The following GRB2 variants were observed in gnomAD, a reference collection of about 807,000 sequenced individuals.
GRB2 encodes growth factor receptor-bound protein 2.
A neutral mutation model predicts 27.4 loss-of-function variants in GRB2; 2 were observed. The observed-to-expected ratio is 0.07, with a 90% CI of 0.03 to 0.23. GRB2 has a LOEUF of 0.23. Among genes scored for constraint, GRB2 ranks in the 10% least tolerant of loss-of-function variants. The pLI, the probability that GRB2 is intolerant of heterozygous loss-of-function variation, is 1.00. For missense variants in GRB2, 102 were observed against 282.4 expected, an observed-to-expected ratio of 0.36 and a Z score of 4.58; for synonymous variants, 94 against 99.6, an observed-to-expected ratio of 0.94 and a Z score of 0.33.
At chr17:75,342,916 G>A (rs2078630507) in intron 2 of GRB2, among the ~76,000 whole-genome samples, 1 of 152,020 alleles carries the variant, frequency 6.6e-6, no homozygotes, top group Non-Finnish European at 1.5e-5. Flanking sequence ...TGGCATGGTG[G>A]TGTGCACATA....
chr17:75,398,052 G>T (rs985027169), intron 1 of GRB2, among the ~76,000 whole-genome samples: 1 of 151,946 alleles, frequency 6.6e-6, no homozygotes, highest in Non-Finnish European at 1.5e-5. Context: ...ATGTTGGCCA[G>T]GCTGGTCTCA....
intron 4 of GRB2, among the ~76,000 whole-genome samples, chr17:75,322,792 G>A (rs1303245643): frequency 6.7e-6 from 1 of 148,252 alleles, no homozygotes; most frequent in Non-Finnish European, 1.5e-5. Context: ...TAGCGAGGGC[G>A]CTTCTGCCTG....
chr17:75,345,957 T>C (rs531392490), intron 2 of GRB2, among the ~76,000 whole-genome samples: 2 of 152,196 alleles, frequency 1.3e-5, no homozygotes, highest in African/African-American at 4.8e-5. Flanking sequence ...CAAGCTTATA[T>C]GTTACAATCA....
At chr17:75,343,127 A>G (rs1269330884) in intron 2 of GRB2, among the ~76,000 whole-genome samples, 1 of 150,018 alleles carries the variant, frequency 6.7e-6, no homozygotes. Flanking sequence ...TATGACAGGG[A>G]TAAAGGGGGC....
intron 1 of GRB2, among the ~76,000 whole-genome samples, chr17:75,401,732 T>A (rs7208112): frequency 6.6e-6 from 1 of 152,116 alleles, no homozygotes; most frequent in South Asian, 2.1e-4. Context: ...ATGGGAATAA[T>A]AACAGCCAAC....
intron 2 of GRB2, among the ~76,000 whole-genome samples, chr17:75,379,476 G>A (rs1305665124): frequency 6.7e-6 from 1 of 150,192 alleles, no homozygotes; most frequent in Non-Finnish European, 1.5e-5. Context: ...ATAGCTCATT[G>A]TAGTCTCCAC....
At chr17:75,335,851 A>G (rs1449971796) in intron 2 of GRB2, among the ~76,000 whole-genome samples, 1 of 152,194 alleles carries the variant, frequency 6.6e-6, no homozygotes, top group African/African-American at 2.4e-5. Flanking sequence ...CTGGAATGAG[A>G]TAAAACAATA....
chr17:75,398,330 G>A (rs748209192), intron 1 of GRB2, among the ~76,000 whole-genome samples: 12 of 151,688 alleles, frequency 7.9e-5, no homozygotes, highest in South Asian at 4.2e-4. Context: ...GGGCAGTGGC[G>A]TGATCTTGGT....
At chr17:75,343,589 CTT>C (rs1410581081) in intron 2 of GRB2, among the ~76,000 whole-genome samples, 1 of 152,140 alleles carries the variant, frequency 6.6e-6, no homozygotes, top group Non-Finnish European at 1.5e-5. Flanking sequence ...AGAAATTGCT[CTT>C]GATATTTTTA....
chr17:75,339,623 CTTTTTT>C (rs71159491), intron 2 of GRB2, among the ~76,000 whole-genome samples: 2 of 130,030 alleles, frequency 1.5e-5, no homozygotes, highest in Non-Finnish European at 3.3e-5. Context: ...TTCTTTCTTT[CTTTTTT>C]TTTTTTTTTG....
intron 2 of GRB2, among the ~76,000 whole-genome samples, chr17:75,388,664 C>T (rs1231002436): frequency 1.3e-5 from 2 of 151,054 alleles, no homozygotes; most frequent in Admixed American, 6.6e-5. Flanking sequence ...TGGGCTCCAA[C>T]TCCTGGGCTC....
At chr17:75,402,195 T>A (rs940400046) in intron 1 of GRB2, among the ~76,000 whole-genome samples, 3 of 152,198 alleles carry the variant, frequency 2.0e-5, no homozygotes, top group Non-Finnish European at 4.4e-5. Context: ...ACTATGGTAC[T>A]GAGAGTGAAA....
At chr17:75,338,665 A>G (rs2078598089) in intron 2 of GRB2, among the ~76,000 whole-genome samples, 1 of 141,792 alleles carries the variant, frequency 7.1e-6, no homozygotes, top group Admixed American at 7.5e-5. Flanking sequence ...AGTTTCAGTG[A>G]AGACAGTTCT....
At chr17:75,345,803 G>C (rs995261582) in intron 2 of GRB2, among the ~76,000 whole-genome samples, 23 of 152,068 alleles carry the variant, frequency 1.5e-4, no homozygotes, top group African/African-American at 5.1e-4. Flanking sequence ...CAGGGTCAGG[G>C]AGCAGAAAAC....
At chr17:75,351,204 A>G (rs2078690177) in intron 2 of GRB2, among the ~76,000 whole-genome samples, 1 of 152,152 alleles carries the variant, frequency 6.6e-6, no homozygotes, top group Non-Finnish European at 1.5e-5. Flanking sequence ...TGAAAAACCC[A>G]CATGCATTAT....
At chr17:75,362,782 T>TG (rs2145848970) in intron 2 of GRB2, among the ~76,000 whole-genome samples, 1 of 152,314 alleles carries the variant, frequency 6.6e-6, no homozygotes, top group South Asian at 2.1e-4. Flanking sequence ...CTAAGTACAA[T>TG]GGTGTGTGGG....
chr17:75,346,951 C>A (rs1254913014), intron 2 of GRB2, among the ~76,000 whole-genome samples: 1 of 152,096 alleles, frequency 6.6e-6, no homozygotes, highest in Non-Finnish European at 1.5e-5. Flanking sequence ...GGGAGGCCTG[C>A]AGAAGGTCAG....
chr17:75,391,316 G>A (rs1246722004), intron 2 of GRB2, among the ~76,000 whole-genome samples: 1 of 152,050 alleles, frequency 6.6e-6, no homozygotes. Flanking sequence ...TGAGTATTCT[G>A]ATTTACTTTC....
At chr17:75,380,838 T>C (rs2078923443) in intron 2 of GRB2, among the ~76,000 whole-genome samples, 3 of 152,216 alleles carry the variant, frequency 2.0e-5, no homozygotes, top group Admixed American at 2.0e-4. Context: ...TGTTTAATCA[T>C]CTCAGAAATC....
Sources: gnomAD v4.1 joint callset for allele counts (sites outside exome capture counted in the v4.1 genomes callset) on GRCh38, gnomAD v4.1.1 for gene constraint, MANE v1.5 for transcripts, NCBI Gene and HGNC (gene_info 2026-07-23, HGNC 2026-07-21) for gene names.